Variants in AFG1L observed in about 807,000 individuals in gnomAD.
AFG1L encodes the protein AFG1 like ATPase.
In AFG1L, 53 loss-of-function variants were observed where a neutral mutation model predicts 62.2. The ratio of observed to expected loss-of-function variants is 0.85; its 90% CI spans 0.68 to 1.07. The LOEUF (loss-of-function observed/expected upper bound fraction) is 1.07, where lower values mean the gene tolerates loss of function less well. Ranked by LOEUF, AFG1L falls within the 50% of genes least tolerant of loss-of-function variation. The pLI is 0.00. For synonymous variants in AFG1L, 228 were observed against 210.3 expected, an observed-to-expected ratio of 1.08 and a Z score of -0.73; for missense variants, 555 against 590.5, an observed-to-expected ratio of 0.94 and a Z score of 0.62.
intron 7 of AFG1L, among the ~76,000 whole-genome samples, chr6:108,411,144 C>G (rs948397541): frequency 2.6e-5 from 4 of 152,136 alleles, no homozygotes; most frequent in Non-Finnish European, 4.4e-5. Context: ...GTCCCATGCC[C>G]ATGGAGCCTT....
intron 1 of AFG1L, among the ~76,000 whole-genome samples, chr6:108,301,031 T>C (rs943234247): frequency 3.9e-5 from 6 of 152,210 alleles, no homozygotes; most frequent in African/African-American, 1.4e-4. Context: ...ATTTCATGTT[T>C]CTTGGATTTT....
chr6:108,364,426 A>G (rs1300872987), intron 5 of AFG1L, among the ~76,000 whole-genome samples: 17 of 152,206 alleles, frequency 1.1e-4, no homozygotes, highest in Admixed American at 1.1e-3. Flanking sequence ...TTCAGTTTAA[A>G]CCTTTGCATT....
At chr6:108,425,276 C>T (rs902759443) in intron 7 of AFG1L, among the ~76,000 whole-genome samples, 3 of 152,082 alleles carry the variant, frequency 2.0e-5, no homozygotes, top group African/African-American at 7.2e-5. Context: ...TTTAAGAATG[C>T]TTGTAAATAA....
At chr6:108,508,560 T>C (rs1774513554) in intron 10 of AFG1L, among the ~76,000 whole-genome samples, 1 of 152,294 alleles carries the variant, frequency 6.6e-6, no homozygotes, top group South Asian at 2.1e-4. Flanking sequence ...GTGCTCTTTG[T>C]CTCTGGTTTT....
intron 7 of AFG1L, among the ~76,000 whole-genome samples, chr6:108,403,642 C>T (rs1463658662): frequency 6.6e-6 from 1 of 151,982 alleles, no homozygotes; most frequent in African/African-American, 2.4e-5. Flanking sequence ...ATGGTATACA[C>T]AGATACCAAA....
chr6:108,371,517 T>G (rs1375209482), intron 6 of AFG1L, among the ~76,000 whole-genome samples: 2 of 152,096 alleles, frequency 1.3e-5, no homozygotes, highest in East Asian at 3.9e-4. Flanking sequence ...TGTGAGTAGC[T>G]TGGACTACCA....
intron 3 of AFG1L, among the ~76,000 whole-genome samples, chr6:108,352,589 G>T (rs1383166439): frequency 6.6e-6 from 1 of 152,048 alleles, no homozygotes; most frequent in East Asian, 1.9e-4. Context: ...TTGAAGCAGG[G>T]TCTCGCTCTG....
chr6:108,457,148 A>G (rs1772283062), intron 8 of AFG1L, among the ~76,000 whole-genome samples: 1 of 152,124 alleles, frequency 6.6e-6, no homozygotes, highest in Non-Finnish European at 1.5e-5. Flanking sequence ...CCAGTTTAAT[A>G]CTATAAGATG....
chr6:108,325,860 G>C (rs1397513749), intron 2 of AFG1L, among the ~76,000 whole-genome samples: 3 of 151,968 alleles, frequency 2.0e-5, no homozygotes, highest in Non-Finnish European at 4.4e-5. Flanking sequence ...TTGGCTCACT[G>C]TAGCCTCCGC....
intron 6 of AFG1L, among the ~76,000 whole-genome samples, chr6:108,369,947 G>GATCTATCTAT (rs1554189699): frequency 0.1 from 13,183 of 130,014 alleles, 678 homozygotes; most frequent in Non-Finnish European, 0.12. Flanking sequence ...TGGCTGGCTG[G>GATCTATCTAT]CTATCTATCT....
At chr6:108,471,781 A>G (rs1211395630) in intron 8 of AFG1L, among the ~76,000 whole-genome samples, 1 of 152,136 alleles carries the variant, frequency 6.6e-6, no homozygotes, top group Non-Finnish European at 1.5e-5. Flanking sequence ...ACCAGAGGAT[A>G]CTTCGACAAG....
chr6:108,387,860 G>A (rs1780840829), intron 6 of AFG1L: 1 of 151,900 alleles, frequency 6.6e-6, no homozygotes, highest in African/African-American at 2.4e-5. Flanking sequence ...TTTTTCTGTA[G>A]TTCAAAAACC....
chr6:108,421,327 C>T (rs1317463744), intron 7 of AFG1L, among the ~76,000 whole-genome samples: 3 of 152,140 alleles, frequency 2.0e-5, no homozygotes, highest in East Asian at 3.9e-4. Flanking sequence ...AAAGCCACAA[C>T]TGTTTTCTTC....
intron 1 of AFG1L, among the ~76,000 whole-genome samples, chr6:108,298,506 T>C (rs1776856480): frequency 6.6e-6 from 1 of 152,148 alleles, no homozygotes; most frequent in African/African-American, 2.4e-5. Flanking sequence ...CCTCAGGTGA[T>C]CCACCCATCT....
At chr6:108,511,361 TCACTGCC>T (rs1397513539) in intron 11 of AFG1L, among the ~76,000 whole-genome samples, 1 of 152,206 alleles carries the variant, frequency 6.6e-6, no homozygotes, top group Non-Finnish European at 1.5e-5. Flanking sequence ...AATTGCCAAG[TCACTGCC>T]CATTCATCAA....
At chr6:108,514,215 T>C (rs1774783710) in intron 11 of AFG1L, among the ~76,000 whole-genome samples, 1 of 152,068 alleles carries the variant, frequency 6.6e-6, no homozygotes, top group Non-Finnish European at 1.5e-5. Flanking sequence ...CCTCTCCTCC[T>C]CCAAAGGAAG....
At chr6:108,321,238 A>C (rs976968871) in intron 1 of AFG1L, among the ~76,000 whole-genome samples, 1 of 152,204 alleles carries the variant, frequency 6.6e-6, no homozygotes, top group Non-Finnish European at 1.5e-5. Context: ...ATTTGCTAGA[A>C]TAGCTCACAG....
At chr6:108,417,157 C>T (rs1770335108) in intron 7 of AFG1L, among the ~76,000 whole-genome samples, 1 of 151,348 alleles carries the variant, frequency 6.6e-6, no homozygotes, top group Admixed American at 6.6e-5. Context: ...TTGCTTGAGC[C>T]CAGGAGTTCC....
chr6:108,441,407 AT>A (rs544175066), intron 7 of AFG1L, among the ~76,000 whole-genome samples: 1 of 151,802 alleles, frequency 6.6e-6, no homozygotes, highest in South Asian at 2.1e-4. Flanking sequence ...TTCTAATTGC[AT>A]TTTTTTTAGA....
Sources: allele counts gnomAD v4.1 joint callset (sites outside exome capture counted in the v4.1 genomes callset), GRCh38; gene constraint gnomAD v4.1.1; transcripts MANE v1.5; gene names NCBI Gene and HGNC (gene_info 2026-07-23, HGNC 2026-07-21).